INKA2: variants seen among roughly 807,000 people sequenced by gnomAD.
INKA2 encodes the protein inka box actin regulator 2, also known as PAK4-inhibitor INKA2.
In INKA2, 3 loss-of-function variants were observed where a neutral mutation model predicts 9.8. The observed-to-expected ratio is 0.31, with a 90% CI of 0.14 to 0.79. The LOEUF (loss-of-function observed/expected upper bound fraction) is 0.79. Among genes scored for constraint, INKA2 ranks in the 30% least tolerant of loss-of-function variants. The pLI, the probability that INKA2 is intolerant of heterozygous loss-of-function variation, is 0.62. For missense variants in INKA2, 392 were observed against 384.4 expected, an observed-to-expected ratio of 1.02 and a Z score of -0.17; for synonymous variants, 147 against 143.3, an observed-to-expected ratio of 1.03 and a Z score of -0.18.
At chr1:111,736,306 G>A (rs1226749981) in intron 1 of INKA2, among the ~76,000 whole-genome samples, 2 of 152,120 alleles carry the variant, frequency 1.3e-5, no homozygotes, top group African/African-American at 2.4e-5. Flanking sequence ...AACTAATTGA[G>A]TCAGGATCCC....
In INKA2 at chr1:111,726,290, G is replaced by A; in HGVS notation, c.*678C>T. 1.1e-5 allele frequency: 4 copies of A among 380,148 alleles called. No homozygotes were observed. The highest frequency in any genetic ancestry group is 4.7e-6 in the Non-Finnish European group (1 of 214,828). 23.5% of individuals were successfully genotyped at this position (380,148 alleles called of 1,614,324 possible). ...TCAACATCCTTCCCCTGTGCATGGG[G>A]GAGACGCGGGGAGTGTCTAGGGCTT... On this transcript the variant is annotated 3_prime_UTR_variant, in exon 2 of 2. Transcript: ENST00000357260.
At chr1:111,751,047 C>T (rs750232238) in intron 1 of INKA2, among the ~76,000 whole-genome samples, 5 of 152,230 alleles carry the variant, frequency 3.3e-5, no homozygotes, top group South Asian at 2.1e-4. Flanking sequence ...TTTCCACTCC[C>T]ACTGCCTGAT....
chr1:111,728,007 G>A (rs570473672), intron 1 of INKA2, among the ~76,000 whole-genome samples: 1 of 128,732 alleles, frequency 7.8e-6, no homozygotes, highest in Non-Finnish European at 1.6e-5. Context: ...AGCTAAGGCA[G>A]GCACTGTCCT....
chr1:111,746,906 G>A (rs1310491543), intron 1 of INKA2: 4 of 152,180 alleles, frequency 2.6e-5, no homozygotes, highest in African/African-American at 7.2e-5. Flanking sequence ...CACATCAAGT[G>A]GCTTTGGACA....
At chr1:111,744,053 G>A (rs899233268), upstream of INKA2, among the ~76,000 whole-genome samples, 1 of 152,222 alleles carries the variant, frequency 6.6e-6, no homozygotes, top group Non-Finnish European at 1.5e-5. Context: ...ACATTGGGAT[G>A]GTAGGGGAGG....
chr1:111,731,151 T>C (rs1011710622), intron 1 of INKA2, among the ~76,000 whole-genome samples: 9 of 152,232 alleles, frequency 5.9e-5, no homozygotes, highest in Non-Finnish European at 1.3e-4. Flanking sequence ...TGTGTGGGTA[T>C]GCATGAATTC....
chr1:111,753,180 T>C (rs987098068), intron 1 of INKA2: 5 of 152,312 alleles, frequency 3.3e-5, no homozygotes, highest in Middle Eastern at 3.4e-3. Context: ...TACAAAGGTA[T>C]TGAGGTGTTA....
Position 111,726,653 on chromosome 1 carries a change from ACC to A in INKA2, c.*313_*314del. ...TTTTCTGATCTCCTCCTCTGCCCTC[ACC>A]TACTGTCACCTCCAGCCCCAAAGTG... On this transcript the variant is annotated 3_prime_UTR_variant, in exon 2 of 2. Transcript: ENST00000357260. 1 of 358,146 alleles carries A rather than the reference ACC, an allele frequency of 2.8e-6. No individual in the cohort carries two copies. Among genetic ancestry groups the A allele is most frequent in the Non-Finnish European group, 5.1e-6 (1 of 195,564 alleles). 22.2% of individuals were successfully genotyped at this position (358,146 alleles called of 1,614,324 possible).
chr1:111,732,568 T>TACACACACACACAC (rs3085876), intron 1 of INKA2, among the ~76,000 whole-genome samples: 2,203 of 142,904 alleles, frequency 0.015, 35 homozygotes, highest in African/African-American at 0.039. Flanking sequence ...CTCTCTCTGT[T>TACACACACACACAC]ACACACACAC....
chr1:111,747,821 T>A (rs1663307351), intron 1 of INKA2: 1 of 146,866 alleles, frequency 6.8e-6, no homozygotes, highest in African/African-American at 2.6e-5. Context: ...TATCCATATA[T>A]GTGTGTGAGT....
rs1571596591 is a variant in INKA2, at chr1:111,739,196, T to C, written c.47A>G (p.Lys16Arg). ...CAGCTTCGCTCTTACCAGCTCCTGT[T>C]TGAGGCGACGGAGATAGCAGTCCAT... ...REMDCYLRRLKQELMSMKEVG... is the reference protein window; with the variant it reads ...REMDCYLRRLRQELMSMKEVG... The change falls in exon 1 of 2, where the codon AAA becomes AGA. Residue 16 changes from lysine (K) to arginine (R), a missense_variant. Transcript: ENST00000357260. 1.2e-6 allele frequency: 2 copies of C among 1,613,588 alleles called. No homozygotes were observed. Among genetic ancestry groups the C allele is most frequent in the South Asian group, 1.1e-5 (1 of 91,078 alleles).
chr1:111,737,936 C>G (rs1240367016), intron 1 of INKA2, among the ~76,000 whole-genome samples: 1 of 152,140 alleles, frequency 6.6e-6, no homozygotes, highest in Non-Finnish European at 1.5e-5. Context: ...AGAGCTGGCC[C>G]CTAACACACT....
upstream of INKA2, among the ~76,000 whole-genome samples, chr1:111,743,099 T>C (rs1015355328): frequency 2.6e-5 from 4 of 152,186 alleles, no homozygotes; most frequent in Non-Finnish European, 4.4e-5. Flanking sequence ...TAAACATGGA[T>C]AAATATTTCT....
intron 1 of INKA2, chr1:111,755,081 G>A (rs1663499294): frequency 6.5e-6 from 1 of 153,166 alleles, no homozygotes; most frequent in Admixed American, 6.5e-5. Context: ...GAGCAATACA[G>A]AAGGCATGTA....
chr1:111,746,694 T>TA (rs1177207077), intron 1 of INKA2: 1 of 152,180 alleles, frequency 6.6e-6, no homozygotes, highest in African/African-American at 2.4e-5. Flanking sequence ...GTCTAACATA[T>TA]ATTGGAGGCT....
Position 111,727,913 on chromosome 1 carries a change from C to T in INKA2, c.58-109G>A, listed in dbSNP as rs1384440646. 4 of 1,007,938 alleles carry T rather than the reference C, an allele frequency of 4.0e-6. No homozygotes were observed. The Admixed American group carries it at 7.0e-5, about 18-fold the overall frequency. The allele number at this position is 1,007,938 out of a possible 1,614,324, so 62.4% of individuals were successfully genotyped here. On this transcript the variant is annotated intron_variant, in intron 1 of 1. Coordinates refer to ENST00000357260, the MANE Select transcript of INKA2 (RefSeq NM_019099.5). ...CCAAACATACACTTCCAGGGTCATC[C>T]AGCCTGCCACCAGCCCCATCTCTCT...
At chr1:111,732,568 T>TACACACACACACACACACACACAC (rs3085876) in intron 1 of INKA2, among the ~76,000 whole-genome samples, 10 of 142,862 alleles carry the variant, frequency 7.0e-5, no homozygotes, top group Non-Finnish European at 4.6e-5. Context: ...CTCTCTCTGT[T>TACACACACACACACACACACACAC]ACACACACAC....
chr1:111,749,487 T>C (rs1020927574), intron 1 of INKA2, among the ~76,000 whole-genome samples: 1 of 152,084 alleles, frequency 6.6e-6, no homozygotes, highest in African/African-American at 2.4e-5. Flanking sequence ...GGGGAGTCTC[T>C]GGTGCAGACA....
In INKA2 at chr1:111,727,051, C is replaced by A. The variant is rs1173882817; in HGVS notation, c.811G>T (p.Gly271Trp). The change falls in exon 2 of 2, where the codon GGG becomes TGG. Residue 271 changes from glycine to tryptophan, a missense_variant. By Grantham distance (184) the Gly-to-Trp change is radical. Transcript: ENST00000357260. ...PFPGTGEHRR[G>W]ENPPTSCPKA... ...GGGCAGCTTGTGGGGGGATTCTCCC[C>A]TCGCCTGTGCTCCCCGGTGCCTGGG... The A allele has an allele frequency of 6.2e-7, 1 of 1,614,092 alleles. No homozygotes were observed. The highest frequency in any genetic ancestry group is 8.5e-7 in the Non-Finnish European group (1 of 1,180,032).
Sources: allele counts gnomAD v4.1 joint callset (sites outside exome capture counted in the v4.1 genomes callset), GRCh38; gene constraint gnomAD v4.1.1; transcripts MANE v1.5; gene names NCBI Gene and HGNC (gene_info 2026-07-23, HGNC 2026-07-21).